Variants in KIF7 observed in about 807,000 individuals in gnomAD.
KIF7 encodes kinesin-like protein KIF7.
A neutral mutation model predicts 135.7 loss-of-function variants in KIF7; 104 were observed. The ratio of observed to expected loss-of-function variants is 0.77; its 90% CI spans 0.65 to 0.90. KIF7 has a LOEUF of 0.90. Ranked by LOEUF, KIF7 falls within the 40% of genes least tolerant of loss-of-function variation. The pLI is 0.00. For missense variants in KIF7, 2,005 were observed against 1,839.1 expected, an observed-to-expected ratio of 1.09 and a Z score of -1.65; for synonymous variants, 883 against 809.4, an observed-to-expected ratio of 1.09 and a Z score of -1.54.
rs755246367 is a variant in KIF7 at position 89,645,898 on chromosome 15, C to T, written c.1917G>A (p.Leu639=). 8 of 1,613,302 alleles carry T rather than the reference C, an allele frequency of 5.0e-6. No homozygotes were observed. In the Admixed American group the frequency reaches 1.2e-4, roughly 24 times the overall value. Residue 639 remains leucine, a synonymous_variant, in exon 8 of 19, where the codon CTG becomes CTA. Coordinates refer to ENST00000394412, the MANE Select transcript of KIF7 (RefSeq NM_198525.3). ...EEEPPRRTLH[L]RRNRISNCSQ... ...GGGCAGTGGGTCCCACTCACCTGCG[C>T]AGGTGTAAGGTCCGCCTGGGCGGCT... is the stretch of plus-strand genomic sequence containing the variant.
chr15:89,628,443 A>C lies in KIF7; in HGVS notation c.4008T>G (p.Ile1336Met). The change falls in exon 19 of 19, where the codon ATT (isoleucine) becomes ATG (methionine). Residue 1336 changes from isoleucine (I) to methionine (M), a missense_variant. By Grantham distance (10) the Ile-to-Met change is conservative. Transcript: ENST00000394412. ...RELRRASPGM[I>M]DVRKNPL ...CTTACAGGGGGTTTTTCCGGACATC[A>C]ATCATCCCCGGGCTGGCTCGTCGCA... is the stretch of plus-strand genomic sequence containing the variant. 1.2e-6 allele frequency: 2 copies of C among 1,607,914 alleles called. No individual in the cohort carries two copies. Among genetic ancestry groups the C allele is most frequent in the East Asian group, 4.5e-5 (2 of 44,786 alleles).
chr15:89,623,252 C>T (rs1380227112), downstream of KIF7, among the ~76,000 whole-genome samples: 2 of 152,184 alleles, frequency 1.3e-5, no homozygotes, highest in Non-Finnish European at 2.9e-5. Flanking sequence ...TGAGGTGGCT[C>T]CTGGAGGCTG....
At chr15:89,639,881 T>C (rs1963885239) in intron 11 of KIF7, among the ~76,000 whole-genome samples, 1 of 152,090 alleles carries the variant, frequency 6.6e-6, no homozygotes, top group African/African-American at 2.4e-5. Flanking sequence ...AGCAAAGACT[T>C]GGAACCAACC....
chr15:89,626,814 T>G, downstream of KIF7: 1 of 890,952 alleles, frequency 1.1e-6, no homozygotes, highest in Non-Finnish European at 1.7e-6. Flanking sequence ...TAGGTACCAT[T>G]TCTGTAGGAT....
intron 12 of KIF7, 99 bp from the exon 13 acceptor site, chr15:89,633,365 C>T (rs1407221205): frequency 2.1e-6 from 3 of 1,449,820 alleles, no homozygotes; most frequent in Non-Finnish European, 2.8e-6. Flanking sequence ...TGCCCACTCC[C>T]AAGAGGGCCC....
chr15:89,628,885 T>TTG, intron 18 of KIF7, 91 bp downstream of exon 18: 1 of 1,611,512 alleles, frequency 6.2e-7, no homozygotes, highest in Non-Finnish European at 8.5e-7. Flanking sequence ...AACCTGTGAA[T>TTG]TGAGCCAATA....
Position 89,628,070 on chromosome 15 carries a change from T to G in KIF7, c.*349A>C, listed in dbSNP as rs1963570982. ...ACATAAGACCATTTAAACCACAACC[T>G]GGTTACCACCGACCCTTTCGTGATG... is the stretch of plus-strand genomic sequence containing the variant. On this transcript the variant is annotated 3_prime_UTR_variant, in exon 19 of 19. Transcript: ENST00000394412. 1 of 234,054 alleles carries G rather than the reference T, an allele frequency of 4.3e-6. No homozygotes were observed. Among genetic ancestry groups the G allele is most frequent in the African/African-American group, 2.3e-5 (1 of 44,334 alleles). The allele number at this position is 234,054 out of a possible 1,614,324, so 14.5% of individuals were successfully genotyped here.
intron 17 of KIF7, 92 bp downstream of exon 17, chr15:89,629,283 G>T: frequency 2.5e-6 from 3 of 1,207,848 alleles, no homozygotes; most frequent in Admixed American, 2.3e-5. Context: ...GGCAGGGGCG[G>T]TGGGGGGAGG....
At chr15:89,659,601 A>T (rs574635187), upstream of KIF7, among the ~76,000 whole-genome samples, 3 of 152,320 alleles carry the variant, frequency 2.0e-5, no homozygotes, top group South Asian at 6.2e-4. Flanking sequence ...GCAAATATTA[A>T]ATAAACAATG....
rs143866575 is a variant in KIF7 at position 89,633,184 on chromosome 15, C to T, written c.2675G>A (p.Arg892His). ...EEIAAFQRKRRSGSNGSVVSL... is the reference protein window; with the variant it reads ...EEIAAFQRKRHSGSNGSVVSL... ...GACCACAGAGCCGTTGCTGCCACTG[C>T]GCCTCTTCCTCTGGAATGCCGCGAT... The change falls in exon 13 of 19, where the codon CGC becomes CAC. Residue 892 changes from arginine (R) to histidine (H), a missense_variant. Transcript: ENST00000394412. 3.9e-4 allele frequency: 626 copies of T among 1,605,238 alleles called. 1 individual carries two copies. Among genetic ancestry groups the T allele is most frequent in the Non-Finnish European group, 4.8e-4 (571 of 1,179,184 alleles).
chr15:89,627,008 C>T (rs139568659), downstream of KIF7: 73 of 1,614,076 alleles, frequency 4.5e-5, no homozygotes, highest in Non-Finnish European at 5.6e-5. Flanking sequence ...CTTTCAGTCG[C>T]GCTTTCTCCA....
downstream of KIF7, chr15:89,625,796 T>C (rs370974052): frequency 1.8e-4 from 284 of 1,587,722 alleles, no homozygotes; most frequent in Non-Finnish European, 2.3e-4. Context: ...GGTGAGTTCG[T>C]TTTTGAAACC....
downstream of KIF7, chr15:89,625,442 G>A: frequency 1.2e-6 from 2 of 1,613,922 alleles, no homozygotes; most frequent in Non-Finnish European, 1.7e-6. Context: ...GACCTTCCTG[G>A]GAGCCTGTCA....
At chr15:89,651,155 G>A (rs560940437) in intron 2 of KIF7, among the ~76,000 whole-genome samples, 63 of 151,864 alleles carry the variant, frequency 4.1e-4, no homozygotes, top group South Asian at 4.0e-3. Context: ...GCTGGAGTGC[G>A]GTGGCCAGAT....
At chr15:89,660,627 C>T in the KIF7 span, among the ~76,000 whole-genome samples, 1 of 152,212 alleles carries the variant, frequency 6.6e-6, no homozygotes. Flanking sequence ...CCAGTCTGGA[C>T]TACTCATCTC....
intron 1 of KIF7, chr15:89,621,344 A>G: frequency 6.4e-7 from 1 of 1,565,798 alleles, no homozygotes; most frequent in South Asian, 1.2e-5. Flanking sequence ...GTATTGGAAG[A>G]ACAGGAATTG....
chr15:89,626,202 G>C, downstream of KIF7: 1 of 858,416 alleles, frequency 1.2e-6, no homozygotes, highest in Non-Finnish European at 1.7e-6. Context: ...AGCGTCATGT[G>C]TGCCCTTCCC....
At chr15:89,624,534 T>C, downstream of KIF7, 1 of 1,613,900 alleles carries the variant, frequency 6.2e-7, no homozygotes, top group Non-Finnish European at 8.5e-7. Flanking sequence ...CTCCTGGGGT[T>C]GGCACAGCTG....
At chr15:89,628,920 A>C in intron 18 of KIF7, 56 bp downstream of exon 18, 1 of 1,613,160 alleles carries the variant, frequency 6.2e-7, no homozygotes, top group Non-Finnish European at 8.5e-7. Flanking sequence ...AGTGGTCTCT[A>C]AGCTTTCCCC....
Sources: gnomAD v4.1 joint callset for allele counts (sites outside exome capture counted in the v4.1 genomes callset) on GRCh38, gnomAD v4.1.1 for gene constraint, MANE v1.5 for transcripts, NCBI Gene and HGNC (gene_info 2026-07-23, HGNC 2026-07-21) for gene names.